The following GRIP1 variants were observed in gnomAD, a reference collection of about 807,000 sequenced individuals.
GRIP1 encodes glutamate receptor-interacting protein 1.
In GRIP1, 45 loss-of-function variants were observed where a neutral mutation model predicts 129.9. The ratio of observed to expected loss-of-function variants is 0.35; its 90% confidence interval spans 0.27 to 0.44. The LOEUF is 0.44. Ranked by LOEUF, GRIP1 falls within the 20% of genes least tolerant of loss-of-function variation. The pLI, the probability that GRIP1 is intolerant of heterozygous loss-of-function variation, is 1.00. For synonymous variants in GRIP1, 530 were observed against 520.8 expected, an observed-to-expected ratio of 1.02 and a Z score of -0.24; for missense variants, 1,196 against 1,396.8, an observed-to-expected ratio of 0.86 and a Z score of 2.29.
chr12:66,720,368 C>A (rs1418763950), intron 1 of GRIP1, among the ~76,000 whole-genome samples: 1 of 152,022 alleles, frequency 6.6e-6, no homozygotes, highest in Non-Finnish European at 1.5e-5. Flanking sequence ...AGGGTCTTGC[C>A]TTGATGTTAA....
intron 1 of GRIP1, among the ~76,000 whole-genome samples, chr12:66,819,128 AC>A (rs1179854450): frequency 6.6e-6 from 1 of 152,158 alleles, no homozygotes; most frequent in Non-Finnish European, 1.5e-5. Context: ...TTGCCTGGTG[AC>A]CTCAGTCACC....
At position 66,355,644 on chromosome 12, in the gene GRIP1, C is replaced by T. The variant is rs142706399; in HGVS notation, c.3013-2081G>A. Among the ~76,000 whole-genome samples, 778 of 152,158 alleles carry T rather than the reference C, an allele frequency of 5.1e-3. 4 individuals are homozygous for T. The highest frequency in any genetic ancestry group is 8.2e-3 in the Non-Finnish European group (556 of 68,000). ...GTTCACACTGTGTGGTTGAGAGCAC[C>T]CCTACCTTCCAAAGCAATACTCACC... On this transcript the variant is annotated intron_variant, in intron 23 of 24. Transcript: ENST00000359742.
chr12:66,744,217 AATTT>A (rs2036875606), intron 1 of GRIP1, among the ~76,000 whole-genome samples: 1 of 152,184 alleles, frequency 6.6e-6, no homozygotes, highest in Non-Finnish European at 1.5e-5. Context: ...AATCTAATTT[AATTT>A]ATTATACTGT....
At chr12:66,569,081 T>G (rs2139480427) in intron 2 of GRIP1, 1 of 233,060 alleles carries the variant, frequency 4.3e-6, no homozygotes, top group East Asian at 1.4e-4. Flanking sequence ...TCCACCATGC[T>G]ATTTGCTTCT....
chr12:67,036,551 G>A (rs910603347), intron 1 of GRIP1, among the ~76,000 whole-genome samples: 2 of 151,790 alleles, frequency 1.3e-5, no homozygotes, highest in South Asian at 2.1e-4. Context: ...GGCTGGCTTC[G>A]AACTCCTGAC....
intron 1 of GRIP1, among the ~76,000 whole-genome samples, chr12:66,731,731 T>A (rs1020061148): frequency 6.6e-6 from 1 of 152,208 alleles, no homozygotes; most frequent in Non-Finnish European, 1.5e-5. Flanking sequence ...GCCACTGAAC[T>A]GTATACTAAA....
intron 1 of GRIP1, among the ~76,000 whole-genome samples, chr12:66,966,549 C>T (rs1269521818): frequency 6.6e-6 from 1 of 152,116 alleles, no homozygotes; most frequent in Non-Finnish European, 1.5e-5. Flanking sequence ...TTCTAGGACC[C>T]CATCCAAGAA....
At chr12:66,558,451 A>G (rs1179963435) in intron 2 of GRIP1, among the ~76,000 whole-genome samples, 1 of 152,204 alleles carries the variant, frequency 6.6e-6, no homozygotes, top group Non-Finnish European at 1.5e-5. Context: ...GGTCCCTCAC[A>G]CAACATGTGT....
At chr12:66,369,290 T>A (rs2055337069) in intron 23 of GRIP1, among the ~76,000 whole-genome samples, 1 of 151,918 alleles carries the variant, frequency 6.6e-6, no homozygotes, top group Admixed American at 6.6e-5. Flanking sequence ...TCCACAGCCA[T>A]TCATTATGCC....
chr12:67,022,118 G>A (rs2042876430), intron 1 of GRIP1, among the ~76,000 whole-genome samples: 1 of 152,128 alleles, frequency 6.6e-6, no homozygotes, highest in Non-Finnish European at 1.5e-5. Context: ...CAACATGGGA[G>A]TGTTCTCTCA....
intron 1 of GRIP1, among the ~76,000 whole-genome samples, chr12:66,852,989 G>T (rs1013791873): frequency 6.6e-6 from 1 of 151,774 alleles, no homozygotes; most frequent in Non-Finnish European, 1.5e-5. Flanking sequence ...AGTAAAACAT[G>T]CCAAGCTAGC....
chr12:67,042,458 G>A (rs1477112714), intron 1 of GRIP1, among the ~76,000 whole-genome samples: 1 of 151,576 alleles, frequency 6.6e-6, no homozygotes, highest in Non-Finnish European at 1.5e-5. Flanking sequence ...TTCAGCAGAA[G>A]GTCAAAGGAT....
At chr12:66,687,033 C>T (rs942924806) in intron 1 of GRIP1, among the ~76,000 whole-genome samples, 2 of 152,108 alleles carry the variant, frequency 1.3e-5, no homozygotes, top group Non-Finnish European at 2.9e-5. Flanking sequence ...TGCACTCCAG[C>T]CTGGGTGAGA....
At chr12:66,386,242 G>A (rs76826426) in intron 19 of GRIP1, among the ~76,000 whole-genome samples, 5,772 of 152,146 alleles carry the variant, frequency 0.038, 384 homozygotes, top group African/African-American at 0.13. Flanking sequence ...TTGGTTTTCT[G>A]TACTAATACA....
At chr12:66,407,931 G>C (rs113878350) in intron 15 of GRIP1, among the ~76,000 whole-genome samples, 1 of 152,172 alleles carries the variant, frequency 6.6e-6, no homozygotes, top group Admixed American at 6.5e-5. Flanking sequence ...AACTCCCAGA[G>C]AGAGTCCTTC....
At chr12:66,351,931 A>G (rs1011710047) in intron 24 of GRIP1, among the ~76,000 whole-genome samples, 13 of 152,104 alleles carry the variant, frequency 8.5e-5, no homozygotes, top group African/African-American at 2.7e-4. Flanking sequence ...CATTTTTTCA[A>G]TCAAGGTTGA....
At chr12:66,926,740 G>A (rs2041302137) in intron 1 of GRIP1, among the ~76,000 whole-genome samples, 1 of 152,188 alleles carries the variant, frequency 6.6e-6, no homozygotes, top group Non-Finnish European at 1.5e-5. Context: ...CTACACACAA[G>A]CTGACTCTCA....
At chr12:66,776,156 G>A (rs941637135) in intron 1 of GRIP1, among the ~76,000 whole-genome samples, 3 of 152,164 alleles carry the variant, frequency 2.0e-5, no homozygotes, top group Admixed American at 1.3e-4. Context: ...AAGGCTACAG[G>A]CCAGAAATTG....
At chr12:66,722,048 C>T (rs529187175) in intron 1 of GRIP1, among the ~76,000 whole-genome samples, 4 of 152,270 alleles carry the variant, frequency 2.6e-5, no homozygotes, top group Non-Finnish European at 5.9e-5. Context: ...AAACTTTCTC[C>T]GTATTGCAGT....
Sources: allele counts gnomAD v4.1 joint callset (sites outside exome capture counted in the v4.1 genomes callset), GRCh38; gene constraint gnomAD v4.1.1; transcripts MANE v1.5; gene names NCBI Gene and HGNC (gene_info 2026-07-23, HGNC 2026-07-21).